CFAP92: variants seen among roughly 807,000 people sequenced by gnomAD.
The protein encoded by CFAP92 is cilia and flagella associated protein 92 (putative).
A neutral mutation model predicts 106.3 loss-of-function variants in CFAP92; 86 were observed. That is an observed-to-expected ratio of 0.81 (90% CI 0.68 to 0.97). The LOEUF is 0.97. CFAP92 is among the 50% of genes least tolerant of loss of function. The pLI is 0.00. For synonymous variants in CFAP92, 477 were observed against 506.4 expected, an observed-to-expected ratio of 0.94 and a Z score of 0.78; for missense variants, 1,204 against 1,283.8, an observed-to-expected ratio of 0.94 and a Z score of 0.95.
chr3:128,926,458 T>A (rs1288272211), intron 12 of CFAP92, among the ~76,000 whole-genome samples: 1 of 152,160 alleles, frequency 6.6e-6, no homozygotes, highest in Non-Finnish European at 1.5e-5. Flanking sequence ...GAAGTTGCAG[T>A]GAGCTGAGAT....
At position 128,993,332 on chromosome 3, in the gene CFAP92, C is replaced by G; in HGVS notation, c.-28G>C. ...TGCAGAGCGCACTGCTGGCCGCCGG[C>G]GCTCCTGGCAGGGAGAAAGTGAAGG... On this transcript the variant is annotated 5_prime_UTR_variant, in exon 2 of 16. Transcript: ENST00000645291. 1 of 1,594,164 alleles carries G rather than the reference C, an allele frequency of 6.3e-7. No homozygotes were observed. Among genetic ancestry groups the G allele is most frequent in the Non-Finnish European group, 8.5e-7 (1 of 1,169,872 alleles).
rs551490894 is a variant in CFAP92 at position 128,925,750 on chromosome 3, ACAT to A, written c.2751+6947_2751+6949del. 1.9e-4 allele frequency among the ~76,000 whole-genome samples: 29 copies of A among 152,322 alleles called. 1 individual carries two copies. The Middle Eastern group carries it at 0.01, about 54-fold the overall frequency. On this transcript the variant is annotated intron_variant, in intron 12 of 15. Transcript: ENST00000645291. ...AATACAAAGAAAAACACACCTACAAACATCATCATAAAACTGCCGAAAACCAAA... is the reference window on the plus strand; with the variant it reads ...AATACAAAGAAAAACACACCTACAAACATCATAAAACTGCCGAAAACCAAA...
At chr3:128,922,232 C>G (rs1023444916) in intron 12 of CFAP92, among the ~76,000 whole-genome samples, 1 of 151,828 alleles carries the variant, frequency 6.6e-6, no homozygotes, top group African/African-American at 2.4e-5. Flanking sequence ...AGTCCCAGCT[C>G]TCAGGGAGGC....
At chr3:128,987,884 G>A in intron 3 of CFAP92, 55 bp from the exon 4 acceptor site, 1 of 1,469,032 alleles carries the variant, frequency 6.8e-7, no homozygotes. Flanking sequence ...CAAAGGCCGT[G>A]GCGAACAGAG....
intron 9 of CFAP92, among the ~76,000 whole-genome samples, chr3:128,948,377 C>CTT (rs4040748): frequency 0.013 from 1,012 of 79,726 alleles, 54 homozygotes; most frequent in African/African-American, 0.016. Context: ...CTTTTCTTTC[C>CTT]TTTTTTTTTT....
At chr3:128,951,397 C>T (rs941692919) in intron 9 of CFAP92, among the ~76,000 whole-genome samples, 1 of 152,144 alleles carries the variant, frequency 6.6e-6, no homozygotes, top group African/African-American at 2.4e-5. Flanking sequence ...ACTGAATCCC[C>T]AGCTTCACGG....
chr3:128,977,108 C>T (rs972993842), intron 5 of CFAP92, 42 bp from the exon 6 acceptor site: 1 of 1,529,060 alleles, frequency 6.5e-7, no homozygotes, highest in Non-Finnish European at 9.1e-7. Context: ...TTGTTACATG[C>T]TAGTTCACTA....
intron 9 of CFAP92, among the ~76,000 whole-genome samples, chr3:128,956,186 A>T (rs1941365281): frequency 4.8e-5 from 4 of 83,564 alleles, no homozygotes; most frequent in African/African-American, 1.7e-4. Flanking sequence ...AAATAAATTA[A>T]AAAAAAAAAT....
intron 1 of CFAP92, chr3:129,001,540 C>A: frequency 7.4e-7 from 1 of 1,342,374 alleles, no homozygotes; most frequent in Non-Finnish European, 9.5e-7. Context: ...CTAAGCCCCT[C>A]CTTTCGAGAA....
At chr3:128,911,490 T>C (rs1030806418) in intron 15 of CFAP92, among the ~76,000 whole-genome samples, 10 of 152,214 alleles carry the variant, frequency 6.6e-5, no homozygotes, top group Admixed American at 5.2e-4. Flanking sequence ...CTGGCTGGAG[T>C]GCAGTGGCAT....
At chr3:128,990,075 C>T (rs1239698004) in intron 2 of CFAP92, among the ~76,000 whole-genome samples, 1 of 152,224 alleles carries the variant, frequency 6.6e-6, no homozygotes, top group Non-Finnish European at 1.5e-5. Context: ...GAATGTCTAT[C>T]GCAGAATTGC....
intron 15 of CFAP92, among the ~76,000 whole-genome samples, chr3:128,911,902 G>T (rs1260241907): frequency 6.6e-6 from 1 of 152,234 alleles, no homozygotes; most frequent in African/African-American, 2.4e-5. Context: ...TTGGCCTAGA[G>T]AACAGAGGGC....
intron 12 of CFAP92, among the ~76,000 whole-genome samples, chr3:128,920,004 A>G (rs1937138315): frequency 6.6e-6 from 1 of 152,238 alleles, no homozygotes; most frequent in Admixed American, 6.5e-5. Flanking sequence ...CCATTTAACA[A>G]AAAATAACAG....
At chr3:128,918,555 A>G (rs1313369935) in intron 12 of CFAP92, among the ~76,000 whole-genome samples, 1 of 152,230 alleles carries the variant, frequency 6.6e-6, no homozygotes, top group Non-Finnish European at 1.5e-5. Context: ...AAGGTTAGCA[A>G]GTAATGTCCG....
At position 128,910,179 on chromosome 3, in the gene CFAP92, TG is replaced by T. The variant is rs1461442457; in HGVS notation, c.*119del. 4.3e-6 allele frequency: 7 copies of T among 1,613,576 alleles called. No individual in the cohort carries two copies. Among genetic ancestry groups the T allele is most frequent in the Non-Finnish European group, 4.2e-6 (5 of 1,179,996 alleles). On this transcript the variant is annotated 3_prime_UTR_variant, in exon 16 of 16. Coordinates refer to ENST00000645291, the MANE Select transcript of CFAP92 (RefSeq NM_001394090.1). ...GCCCAGCCCAGCCTCACACAGGGCC[TG>T]GCTGCTGCCATCTGTCCTGCTGCAC... is the stretch of plus-strand genomic sequence containing the variant.
chr3:128,996,210 GC>G (rs1023467050), upstream of CFAP92, among the ~76,000 whole-genome samples: 3 of 152,158 alleles, frequency 2.0e-5, no homozygotes, highest in African/African-American at 7.2e-5. Flanking sequence ...ATATGAGAGT[GC>G]AAGACTTCAA....
chr3:128,935,341 G>A, intron 10 of CFAP92, 22 bp from the exon 11 acceptor site: 2 of 1,464,276 alleles, frequency 1.4e-6, no homozygotes, highest in Non-Finnish European at 1.8e-6. Context: ...AGAAGGCCAA[G>A]AGCTAACTTG....
At chr3:128,948,377 C>CTTTTTTTTT (rs4040748) in intron 9 of CFAP92, among the ~76,000 whole-genome samples, 1 of 79,708 alleles carries the variant, frequency 1.3e-5, no homozygotes, top group African/African-American at 3.8e-5. Context: ...CTTTTCTTTC[C>CTTTTTTTTT]TTTTTTTTTT....
At chr3:128,922,091 G>C (rs1291868105) in intron 12 of CFAP92, among the ~76,000 whole-genome samples, 2 of 152,120 alleles carry the variant, frequency 1.3e-5, no homozygotes, top group Non-Finnish European at 2.9e-5. Context: ...TGTAATCCTA[G>C]CACTTTGGGA....
Sources: gnomAD v4.1 joint callset for allele counts (sites outside exome capture counted in the v4.1 genomes callset) on GRCh38, gnomAD v4.1.1 for gene constraint, MANE v1.5 for transcripts, NCBI Gene and HGNC (gene_info 2026-07-23, HGNC 2026-07-21) for gene names.